The following MINDY4 variants were observed in gnomAD, a reference collection of about 807,000 sequenced individuals.
MINDY4 encodes MINDY lysine 48 deubiquitinase 4, also known as probable ubiquitin carboxyl-terminal hydrolase MINDY-4.
MINDY4 carries 68 observed loss-of-function variants against 87.0 expected under a neutral mutation model. The observed-to-expected ratio is 0.78, with a 90% confidence interval of 0.64 to 0.96. The LOEUF (loss-of-function observed/expected upper bound fraction) is 0.96, where lower values mean the gene tolerates loss of function less well. MINDY4 is among the 40% of genes least tolerant of loss of function. The probability of loss-of-function intolerance (pLI) is 0.00; values close to 1 mark genes in which losing one functional copy is unlikely to be tolerated. For missense variants in MINDY4, 919 were observed against 928.2 expected, an observed-to-expected ratio of 0.99 and a Z score of 0.13; for synonymous variants, 379 against 363.2, an observed-to-expected ratio of 1.04 and a Z score of -0.50.
At position 30,840,680 on chromosome 7, in the gene MINDY4, T is replaced by C. The variant is rs147444860; in HGVS notation, c.1357-80T>C. 1.2e-3 allele frequency: 1,573 copies of C among 1,277,008 alleles called. 13 individuals carry two copies. The African/African-American group carries it at 0.018, about 15-fold the overall frequency. 79.1% of individuals were successfully genotyped at this position (1,277,008 alleles called of 1,614,324 possible). A position where few individuals can be genotyped will look rare whatever the true frequency, so the allele number is the denominator to read the frequency against. ...GGGCCCCTTTACTCTATCAGGTGGGTTCTGGGGTGGGTTTGGGTGAAACCA... is the reference window on the plus strand; with the variant it reads ...GGGCCCCTTTACTCTATCAGGTGGGCTCTGGGGTGGGTTTGGGTGAAACCA... On this transcript the variant is annotated intron_variant, in intron 8 of 17. Transcript: ENST00000265299.
intron 5 of MINDY4, among the ~76,000 whole-genome samples, chr7:30,826,824 G>A (rs966826838): frequency 1.3e-5 from 2 of 152,206 alleles, no homozygotes; most frequent in Non-Finnish European, 2.9e-5. Context: ...GACTTTTGAG[G>A]CTTGCAAAGC....
At chr7:30,852,597 C>G (rs925295702) in intron 11 of MINDY4, among the ~76,000 whole-genome samples, 6 of 133,572 alleles carry the variant, frequency 4.5e-5, no homozygotes, top group African/African-American at 1.7e-4. Flanking sequence ...TCTTTAGCAT[C>G]TGCTCCAGGA....
At chr7:30,843,847 G>C (rs577226887) in intron 9 of MINDY4, among the ~76,000 whole-genome samples, 4 of 152,322 alleles carry the variant, frequency 2.6e-5, no homozygotes, top group Non-Finnish European at 2.9e-5. Context: ...AGAGGAGGAG[G>C]GAAGAAGGAG....
intron 17 of MINDY4, among the ~76,000 whole-genome samples, chr7:30,888,618 G>A (rs978086415): frequency 2.6e-5 from 4 of 152,074 alleles, no homozygotes; most frequent in Admixed American, 6.6e-5. Context: ...CCTTGTAATC[G>A]ACTCACAAGC....
chr7:30,881,179 G>T (rs1790453750), intron 15 of MINDY4, among the ~76,000 whole-genome samples: 1 of 152,176 alleles, frequency 6.6e-6, no homozygotes, highest in Non-Finnish European at 1.5e-5. Flanking sequence ...GGTCAGGAGA[G>T]GCGCTGGCCA....
chr7:30,824,921 G>A (rs1166579223), intron 5 of MINDY4, among the ~76,000 whole-genome samples: 1 of 152,156 alleles, frequency 6.6e-6, no homozygotes, highest in Non-Finnish European at 1.5e-5. Context: ...GTTATTCAGA[G>A]ATTGAGTCCT....
At chr7:30,829,094 G>C (rs992574588) in intron 6 of MINDY4, among the ~76,000 whole-genome samples, 10 of 152,274 alleles carry the variant, frequency 6.6e-5, no homozygotes, top group Non-Finnish European at 1.5e-4. Flanking sequence ...TATAGCTCTG[G>C]CTGGGAAGGC....
chr7:30,879,404 A>G (rs978419067), intron 15 of MINDY4, among the ~76,000 whole-genome samples: 3 of 152,224 alleles, frequency 2.0e-5, no homozygotes, highest in Admixed American at 2.0e-4. Flanking sequence ...GAACTCTGAG[A>G]TAATAAATGT....
chr7:30,819,642 A>G (rs1056543779), intron 5 of MINDY4, among the ~76,000 whole-genome samples: 5 of 152,100 alleles, frequency 3.3e-5, no homozygotes, highest in Non-Finnish European at 5.9e-5. Flanking sequence ...ATTTTTGATA[A>G]TATGTTTTGA....
chr7:30,821,218 C>T lies in MINDY4; in HGVS notation c.1074-7461C>T, dbSNP rs140946970. Among the ~76,000 whole-genome samples, 142 of 152,146 alleles carry T rather than the reference C, an allele frequency of 9.3e-4. 1 individual carries two copies. Among genetic ancestry groups the T allele is most frequent in the African/African-American group, 3.1e-3 (129 of 41,492 alleles). ...TTATTATTTTAATTGTTTTTATTGTCGGTTCTCATTTAGGTTTATCTAAAT... is the reference window on the plus strand; with the variant it reads ...TTATTATTTTAATTGTTTTTATTGTTGGTTCTCATTTAGGTTTATCTAAAT... On this transcript the variant is annotated intron_variant, in intron 5 of 17. Coordinates refer to ENST00000265299, the MANE Select transcript of MINDY4 (RefSeq NM_032222.3).
intron 3 of MINDY4, among the ~76,000 whole-genome samples, chr7:30,785,472 A>C (rs973937436): frequency 6.6e-6 from 1 of 152,148 alleles, no homozygotes; most frequent in Non-Finnish European, 1.5e-5. Flanking sequence ...AAGACTAAGG[A>C]TGCTCTTTAG....
intron 12 of MINDY4, among the ~76,000 whole-genome samples, chr7:30,854,118 G>A (rs573293343): frequency 6.6e-6 from 1 of 152,174 alleles, no homozygotes; most frequent in Non-Finnish European, 1.5e-5. Context: ...TGTGGGGAGG[G>A]GCTACACACT....
intron 5 of MINDY4, among the ~76,000 whole-genome samples, chr7:30,821,723 C>T (rs1446545592): frequency 6.6e-6 from 1 of 151,676 alleles, no homozygotes; most frequent in Non-Finnish European, 1.5e-5. Flanking sequence ...GTTTTTCCTC[C>T]ATTTCTCTTA....
Position 30,852,204 on chromosome 7 carries a change from T to G in MINDY4, c.1548-12T>G. 1 of 1,614,116 alleles carries G rather than the reference T, an allele frequency of 6.2e-7. No individual in the cohort carries two copies. The highest frequency in any genetic ancestry group is 1.3e-5 in the African/African-American group (1 of 75,048). ...CACTCAGAGGACTCATGCACCTTCC[T>G]TTCCTTTTTAGGGCTTCGAGAACAC... On this transcript the variant is annotated splice_polypyrimidine_tract_variant and intron_variant, in intron 10 of 17. Transcript: ENST00000265299.
chr7:30,858,919 T>TAA (rs1181868605), intron 12 of MINDY4: 57 of 534,444 alleles, frequency 1.1e-4, no homozygotes, highest in South Asian at 7.2e-4. Flanking sequence ...CCAGGACTGT[T>TAA]AGAGTGTTCG....
chr7:30,880,242 A>G (rs146435356), intron 15 of MINDY4, among the ~76,000 whole-genome samples: 2,480 of 151,576 alleles, frequency 0.016, 52 homozygotes, highest in African/African-American at 0.057. Flanking sequence ...ATTGTGCTAC[A>G]TGTTCCCCCA....
chr7:30,872,206 G>T, intron 13 of MINDY4, 37 bp from the exon 14 acceptor site: 1 of 1,610,666 alleles, frequency 6.2e-7, no homozygotes, highest in Non-Finnish European at 8.5e-7. Flanking sequence ...CCTGGGTCAG[G>T]CAGAGCTGTG....
chr7:30,877,870 G>C (rs1336846065), intron 15 of MINDY4, among the ~76,000 whole-genome samples: 1 of 120,406 alleles, frequency 8.3e-6, no homozygotes. Flanking sequence ...AGTAGAGATG[G>C]GGTTTCACCA....
At chr7:30,861,998 A>G (rs181602353) in intron 13 of MINDY4, among the ~76,000 whole-genome samples, 3 of 152,370 alleles carry the variant, frequency 2.0e-5, no homozygotes, top group Middle Eastern at 3.4e-3. Flanking sequence ...TCAGAGGTGT[A>G]CTTGAGAAGA....
Sources: allele counts gnomAD v4.1 joint callset (sites outside exome capture counted in the v4.1 genomes callset), GRCh38; gene constraint gnomAD v4.1.1; transcripts MANE v1.5; gene names NCBI Gene and HGNC (gene_info 2026-07-23, HGNC 2026-07-21).